CSMD1: variants seen among roughly 807,000 people sequenced by gnomAD.
CSMD1 encodes the protein CUB and Sushi multiple domains 1.
CSMD1 carries 213 observed loss-of-function variants against 417.5 expected under a neutral mutation model. The observed-to-expected ratio is 0.51, with a 90% confidence interval of 0.46 to 0.57. The LOEUF is 0.57. CSMD1 is among the 20% of genes least tolerant of loss of function. CSMD1 has a pLI of 0.00. For synonymous variants in CSMD1, 2,862 were observed against 1,736.8 expected (o/e 1.65, Z -16.11); for missense variants, 6,923 against 4,529.7 (o/e 1.53, Z -15.17).
intron 36 of CSMD1, among the ~76,000 whole-genome samples, chr8:3,183,823 T>C (rs898705604): frequency 4.6e-5 from 7 of 152,198 alleles, no homozygotes; most frequent in Non-Finnish European, 8.8e-5. Flanking sequence ...CTAAATATTT[T>C]CCCAAATTAT....
chr8:4,881,299 G>C (rs144964653), intron 1 of CSMD1, among the ~76,000 whole-genome samples: 3 of 152,204 alleles, frequency 2.0e-5, no homozygotes, highest in African/African-American at 4.8e-5. Context: ...TACAAGGATA[G>C]TGACAATGCA....
chr8:3,351,377 G>A (rs1332860457), intron 21 of CSMD1, among the ~76,000 whole-genome samples: 1 of 151,904 alleles, frequency 6.6e-6, no homozygotes, highest in Non-Finnish European at 1.5e-5. Context: ...TTCGGAGGCC[G>A]AGGCAGGCGG....
At chr8:4,687,273 G>A (rs773409833) in intron 1 of CSMD1, among the ~76,000 whole-genome samples, 4 of 152,306 alleles carry the variant, frequency 2.6e-5, no homozygotes, top group Non-Finnish European at 5.9e-5. Flanking sequence ...GATGAAGGAG[G>A]ACAAGGAGCC....
chr8:4,362,838 C>A (rs1357714581), intron 3 of CSMD1, among the ~76,000 whole-genome samples: 1 of 152,054 alleles, frequency 6.6e-6, no homozygotes, highest in Non-Finnish European at 1.5e-5. Flanking sequence ...GATAGTTGTT[C>A]CCCATTGGTT....
In CSMD1 at chr8:3,854,354, T is replaced by A. The variant is rs148114330; in HGVS notation, c.819-100312A>T. Among the ~76,000 whole-genome samples the A allele has an allele frequency of 5.3e-5, 8 of 152,062 alleles. No individual in the cohort carries two copies. In the East Asian group the frequency reaches 1.5e-3, roughly 29 times the overall value. On this transcript the variant is annotated intron_variant, in intron 5 of 69. Transcript: ENST00000635120. The stretch of plus-strand genomic sequence containing the variant: ...TAGTCTTTTTTCAGATAAATTCTTT[T>A]CCTTTTGATTTTAAGAACACAGATA...
chr8:3,257,707 G>A (rs73185593), intron 26 of CSMD1, among the ~76,000 whole-genome samples: 13,895 of 152,130 alleles, frequency 0.091, 871 homozygotes, highest in Non-Finnish European at 0.13. Context: ...CCTAAACGGT[G>A]GGCCTAGAGC....
intron 2 of CSMD1, among the ~76,000 whole-genome samples, chr8:4,622,223 G>A (rs1801822766): frequency 1.3e-5 from 2 of 151,740 alleles, no homozygotes; most frequent in South Asian, 4.2e-4. Context: ...TTACCTGGAG[G>A]CTCAGGCAGA....
chr8:3,150,960 A>C (rs1819158795), intron 40 of CSMD1, among the ~76,000 whole-genome samples: 1 of 152,220 alleles, frequency 6.6e-6, no homozygotes, highest in African/African-American at 2.4e-5. Context: ...TATATAGCAA[A>C]AATGTATAAA....
intron 1 of CSMD1, among the ~76,000 whole-genome samples, chr8:4,898,847 C>G (rs896767013): frequency 6.6e-6 from 1 of 152,024 alleles, no homozygotes; most frequent in Non-Finnish European, 1.5e-5. Flanking sequence ...ACAGAAATGA[C>G]AGTGTGGTTT....
At chr8:3,643,769 G>C (rs1380652387) in intron 7 of CSMD1, among the ~76,000 whole-genome samples, 1 of 149,664 alleles carries the variant, frequency 6.7e-6, no homozygotes, top group Non-Finnish European at 1.5e-5. Flanking sequence ...ACCTCCTAGA[G>C]TCATTGTTCA....
intron 6 of CSMD1, among the ~76,000 whole-genome samples, chr8:3,731,201 C>T (rs1288274258): frequency 6.6e-6 from 1 of 152,200 alleles, no homozygotes; most frequent in South Asian, 2.1e-4. Flanking sequence ...ACCCATTAAG[C>T]AGTTTCTCCA....
chr8:3,744,424 A>T (rs1326661857), intron 6 of CSMD1, among the ~76,000 whole-genome samples: 1 of 152,224 alleles, frequency 6.6e-6, no homozygotes. Context: ...TATTCCATAG[A>T]AAGATTTTAA....
chr8:4,782,964 G>C (rs75203369), intron 1 of CSMD1, among the ~76,000 whole-genome samples: 1,551 of 140,226 alleles, frequency 0.011, 12 homozygotes, highest in East Asian at 0.064. Context: ...AAAAAAAAAA[G>C]ACGACTTCAG....
intron 3 of CSMD1, among the ~76,000 whole-genome samples, chr8:4,091,187 G>A (rs1357014496): frequency 2.0e-5 from 3 of 152,014 alleles, no homozygotes; most frequent in Non-Finnish European, 4.4e-5. Flanking sequence ...CCAAAGTGCT[G>A]GGATTACGGG....
chr8:4,914,583 GAAAAAAAAAA>G (rs59293226), intron 1 of CSMD1, among the ~76,000 whole-genome samples: 26 of 133,688 alleles, frequency 1.9e-4, no homozygotes, highest in African/African-American at 7.1e-4. Flanking sequence ...CTCCCAAAAA[GAAAAAAAAAA>G]AAAAAAAAAA....
At chr8:4,124,865 A>C (rs1229445949) in intron 3 of CSMD1, among the ~76,000 whole-genome samples, 1 of 152,180 alleles carries the variant, frequency 6.6e-6, no homozygotes, top group Admixed American at 6.5e-5. Flanking sequence ...CTAACTCTAT[A>C]GGACAGAAAA....
intron 1 of CSMD1, among the ~76,000 whole-genome samples, chr8:4,800,795 G>A (rs368764177): frequency 1.3e-5 from 2 of 152,326 alleles, no homozygotes; most frequent in East Asian, 1.9e-4. Flanking sequence ...GGTGGGTTTC[G>A]GGACCTGGGG....
At chr8:4,047,517 TG>T (rs1426095313) in intron 3 of CSMD1, among the ~76,000 whole-genome samples, 1 of 117,664 alleles carries the variant, frequency 8.5e-6, no homozygotes, top group Non-Finnish European at 2.0e-5. Context: ...CATTGTGATA[TG>T]TCATTCATTC....
intron 2 of CSMD1, among the ~76,000 whole-genome samples, chr8:4,560,752 T>G (rs1798293842): frequency 2.0e-5 from 3 of 152,184 alleles, no homozygotes; most frequent in Admixed American, 2.0e-4. Context: ...CTTTCCTTCC[T>G]CCTATTCTTC....
Sources: gnomAD v4.1 joint callset for allele counts (sites outside exome capture counted in the v4.1 genomes callset) on GRCh38, gnomAD v4.1.1 for gene constraint, MANE v1.5 for transcripts, NCBI Gene and HGNC (gene_info 2026-07-23, HGNC 2026-07-21) for gene names.